The following FOXP2 variants were observed in gnomAD, a reference collection of about 807,000 sequenced individuals.
FOXP2 encodes the protein forkhead box P2.
FOXP2 carries 12 observed loss-of-function variants against 115.8 expected under a neutral mutation model. The ratio of observed to expected loss-of-function variants is 0.10; its 90% CI spans 0.07 to 0.17. FOXP2 has a LOEUF of 0.17. Among genes scored for constraint, FOXP2 ranks in the 10% least tolerant of loss-of-function variants. The probability of loss-of-function intolerance (pLI) is 1.00; values close to 1 mark genes in which losing one functional copy is unlikely to be tolerated. For synonymous variants in FOXP2, 328 were observed against 297.7 expected (o/e 1.10, Z -1.05); for missense variants, 629 against 843.5 (o/e 0.75, Z 3.15).
intron 7 of FOXP2, among the ~76,000 whole-genome samples, 189 bp downstream of exon 7, chr7:114,642,812 A>ATATTTTTTTTTTTT (rs1308357594): frequency 1.4e-5 from 1 of 72,438 alleles, no homozygotes; most frequent in South Asian, 5.7e-4. Flanking sequence ...ATATATATAT[A>ATATTTTTTTTTTTT]TTTTTTTTTT....
At chr7:114,676,920 A>G (rs1807801464) in intron 16 of FOXP2, among the ~76,000 whole-genome samples, 1 of 152,166 alleles carries the variant, frequency 6.6e-6, no homozygotes, top group Non-Finnish European at 1.5e-5. Flanking sequence ...AGGTTTTGTT[A>G]ACAGCATTTG....
chr7:114,594,344 C>T (rs1422081512), intron 3 of FOXP2, among the ~76,000 whole-genome samples: 1 of 152,046 alleles, frequency 6.6e-6, no homozygotes, highest in African/African-American at 2.4e-5. Context: ...CCACCTCACC[C>T]TCACCCACAT....
chr7:114,528,639 A>G lies in FOXP2; in HGVS notation c.169-5978A>G, dbSNP rs959453049. Among the ~76,000 whole-genome samples, 8 of 152,124 alleles carry G rather than the reference A, an allele frequency of 5.3e-5. No homozygotes were observed. The South Asian group carries it at 6.2e-4, about 12-fold the overall frequency. On this transcript the variant is annotated intron_variant, in intron 2 of 16. Transcript: ENST00000350908. ...ACAGAGGATTCAAATAATAGTTTACATTTACATATTGTAGTATAATTTAGT... is the reference window on the plus strand; with the variant it reads ...ACAGAGGATTCAAATAATAGTTTACGTTTACATATTGTAGTATAATTTAGT...
chr7:114,147,750 C>A (rs1792415633), intron 1 of FOXP2, among the ~76,000 whole-genome samples: 2 of 152,142 alleles, frequency 1.3e-5, no homozygotes, highest in African/African-American at 4.8e-5. Context: ...GTTAGCCTCT[C>A]CTCATCCCTG....
intron 1 of FOXP2, among the ~76,000 whole-genome samples, chr7:114,268,305 G>A (rs1300687155): frequency 2.0e-5 from 3 of 152,096 alleles, no homozygotes; most frequent in Non-Finnish European, 4.4e-5. Flanking sequence ...GGGGTTACTT[G>A]GTAGGACATG....
At chr7:114,559,187 A>G (rs1800620861) in intron 3 of FOXP2, among the ~76,000 whole-genome samples, 1 of 152,186 alleles carries the variant, frequency 6.6e-6, no homozygotes, top group Non-Finnish European at 1.5e-5. Context: ...TAATAACTAT[A>G]TCACTTACAG....
intron 1 of FOXP2, among the ~76,000 whole-genome samples, chr7:114,207,378 T>C (rs1170018800): frequency 1.3e-5 from 2 of 152,326 alleles, no homozygotes; most frequent in South Asian, 2.1e-4. Flanking sequence ...TCAAAGTCTC[T>C]GTACCATTTT....
intron 2 of FOXP2, among the ~76,000 whole-genome samples, chr7:114,301,592 T>C (rs916657515): frequency 1.1e-4 from 16 of 152,096 alleles, no homozygotes; most frequent in African/African-American, 3.9e-4. Context: ...GTTGGACAAG[T>C]GTGTTTATCT....
At chr7:114,304,232 C>T (rs551287058) in intron 2 of FOXP2, among the ~76,000 whole-genome samples, 2 of 152,152 alleles carry the variant, frequency 1.3e-5, no homozygotes, top group African/African-American at 2.4e-5. Context: ...AGTTTTACAT[C>T]TTAAACTCCA....
At chr7:114,592,959 G>C (rs986231367) in intron 3 of FOXP2, among the ~76,000 whole-genome samples, 1 of 151,844 alleles carries the variant, frequency 6.6e-6, no homozygotes, top group Non-Finnish European at 1.5e-5. Context: ...TGTTTATATT[G>C]TCTTTAGTTT....
intron 1 of FOXP2, among the ~76,000 whole-genome samples, chr7:114,170,148 A>G (rs1793099305): frequency 6.6e-6 from 1 of 152,166 alleles, no homozygotes; most frequent in African/African-American, 2.4e-5. Context: ...GAAACTTTTC[A>G]TGTTATTATA....
chr7:114,582,868 T>G (rs1372174097), intron 3 of FOXP2, among the ~76,000 whole-genome samples: 1 of 152,224 alleles, frequency 6.6e-6, no homozygotes, highest in Non-Finnish European at 1.5e-5. Flanking sequence ...AACCAACCAC[T>G]GAATCTGCCC....
At chr7:114,615,533 T>C (rs867128908) in intron 3 of FOXP2, among the ~76,000 whole-genome samples, 2 of 152,212 alleles carry the variant, frequency 1.3e-5, no homozygotes, top group South Asian at 4.1e-4. Flanking sequence ...GATATTATAA[T>C]ACCATTCTCC....
chr7:114,600,634 A>G (rs1401534518), intron 3 of FOXP2, among the ~76,000 whole-genome samples: 3 of 152,204 alleles, frequency 2.0e-5, no homozygotes, highest in Admixed American at 1.3e-4. Flanking sequence ...CCCACCAGCA[A>G]TGAATGAGAG....
In FOXP2 at chr7:114,340,161, T is replaced by G. The variant is rs529010281; in HGVS notation, c.-11+52052T>G. ...ACCTGTATTTTATTTGGGTTAGAGCTTAATAAGAAACCATGTGATAGTGAT... is the reference window on the plus strand; with the variant it reads ...ACCTGTATTTTATTTGGGTTAGAGCGTAATAAGAAACCATGTGATAGTGAT... On this transcript the variant is annotated intron_variant, in intron 2 of 17. Transcript: ENST00000634411. Among the ~76,000 whole-genome samples the G allele has an allele frequency of 1.3e-4, 19 of 151,298 alleles. No individual in the cohort carries two copies. In the South Asian group the frequency reaches 3.7e-3, roughly 30 times the overall value.
chr7:114,350,470 T>G (rs1791457489), intron 2 of FOXP2, among the ~76,000 whole-genome samples: 1 of 152,174 alleles, frequency 6.6e-6, no homozygotes, highest in Non-Finnish European at 1.5e-5. Flanking sequence ...TATTGAACTT[T>G]TTTCTTGGTA....
intron 7 of FOXP2, among the ~76,000 whole-genome samples, chr7:114,643,586 T>C (rs1805703272): frequency 6.6e-6 from 1 of 152,220 alleles, no homozygotes; most frequent in Non-Finnish European, 1.5e-5. Flanking sequence ...TTTTAACTAC[T>C]GTTTTTAGTT....
At chr7:114,243,051 C>T (rs1445776454) in intron 1 of FOXP2, among the ~76,000 whole-genome samples, 1 of 152,024 alleles carries the variant, frequency 6.6e-6, no homozygotes, top group Non-Finnish European at 1.5e-5. Flanking sequence ...GACGTTGTGC[C>T]AGTCATTTTT....
At chr7:114,500,245 G>T (rs920672701) in intron 2 of FOXP2, among the ~76,000 whole-genome samples, 2 of 149,384 alleles carry the variant, frequency 1.3e-5, no homozygotes, top group Non-Finnish European at 3.0e-5. Context: ...AGAATGTAAC[G>T]TCAATAAAGA....
Sources: gnomAD v4.1 joint callset for allele counts (sites outside exome capture counted in the v4.1 genomes callset) on GRCh38, gnomAD v4.1.1 for gene constraint, MANE v1.5 for transcripts, NCBI Gene and HGNC (gene_info 2026-07-23, HGNC 2026-07-21) for gene names.